The following B3GALT1 variants were observed in gnomAD, a reference collection of about 807,000 sequenced individuals.
The protein encoded by B3GALT1 is beta-1,3-galactosyltransferase 1.
A neutral mutation model predicts 23.2 loss-of-function variants in B3GALT1; 10 were observed. That is an observed-to-expected ratio of 0.43 (90% CI 0.27 to 0.73). The LOEUF (loss-of-function observed/expected upper bound fraction) is 0.73, where lower values mean the gene tolerates loss of function less well. Among genes scored for constraint, B3GALT1 ranks in the 30% least tolerant of loss-of-function variants. The pLI is 0.21. For synonymous variants in B3GALT1, 156 were observed against 141.5 expected, an observed-to-expected ratio of 1.10 and a Z score of -0.73; for missense variants, 299 against 405.4, an observed-to-expected ratio of 0.74 and a Z score of 2.25.
At chr2:167,324,497 G>T (rs1696861643) in intron 1 of B3GALT1, among the ~76,000 whole-genome samples, 1 of 152,028 alleles carries the variant, frequency 6.6e-6, no homozygotes, top group Admixed American at 6.6e-5. Flanking sequence ...TAACATTGCT[G>T]CCTGATGCTG....
chr2:167,446,674 T>C (rs1699000595), intron 1 of B3GALT1, among the ~76,000 whole-genome samples: 1 of 152,246 alleles, frequency 6.6e-6, no homozygotes, highest in Non-Finnish European at 1.5e-5. Flanking sequence ...AGCTTGTGCA[T>C]GCATCACGTA....
At chr2:167,636,472 A>T (rs1685558601) in intron 2 of B3GALT1, among the ~76,000 whole-genome samples, 1 of 152,112 alleles carries the variant, frequency 6.6e-6, no homozygotes, top group Non-Finnish European at 1.5e-5. Context: ...TGACCCAGCC[A>T]TCCCATTACT....
intron 2 of B3GALT1, among the ~76,000 whole-genome samples, chr2:167,631,813 A>G (rs1436949376): frequency 7.7e-6 from 1 of 130,344 alleles, no homozygotes; most frequent in Admixed American, 7.9e-5. Flanking sequence ...TTTATTATTA[A>G]TATACTTTAA....
chr2:167,812,971 A>G (rs1688919124), intron 3 of B3GALT1, among the ~76,000 whole-genome samples: 1 of 142,146 alleles, frequency 7.0e-6, no homozygotes, highest in Non-Finnish European at 1.5e-5. Flanking sequence ...ACACACACAC[A>G]CACACACGCA....
intron 1 of B3GALT1, among the ~76,000 whole-genome samples, chr2:167,472,138 G>T (rs982807669): frequency 6.6e-6 from 1 of 152,138 alleles, no homozygotes; most frequent in Non-Finnish European, 1.5e-5. Flanking sequence ...GGCTCTTCAG[G>T]AATCTGCACA....
At chr2:167,715,542 A>C (rs1687128565) in intron 3 of B3GALT1, 9 of 1,613,722 alleles carry the variant, frequency 5.6e-6, no homozygotes, top group Non-Finnish European at 7.6e-6. Flanking sequence ...TCTTCTAGAG[A>C]TTGTATCCTT....
At chr2:167,303,002 C>G (rs1696474794) in intron 1 of B3GALT1, among the ~76,000 whole-genome samples, 1 of 152,100 alleles carries the variant, frequency 6.6e-6, no homozygotes, top group African/African-American at 2.4e-5. Context: ...TTGAGCAGCA[C>G]TTTGGTATAT....
chr2:167,450,885 A>AT (rs1345052175), intron 1 of B3GALT1, among the ~76,000 whole-genome samples: 2 of 151,736 alleles, frequency 1.3e-5, no homozygotes, highest in African/African-American at 4.8e-5. Context: ...GGCTTTGTTC[A>AT]TTTTTTCTTA....
At chr2:167,787,265 A>G (rs904592546) in intron 3 of B3GALT1, among the ~76,000 whole-genome samples, 1 of 152,216 alleles carries the variant, frequency 6.6e-6, no homozygotes, top group Non-Finnish European at 1.5e-5. Flanking sequence ...TGGAGATAAG[A>G]GCACCTATCT....
At chr2:167,495,371 G>A (rs1433052324) in intron 2 of B3GALT1, among the ~76,000 whole-genome samples, 1 of 134,364 alleles carries the variant, frequency 7.4e-6, no homozygotes, top group African/African-American at 2.9e-5. Context: ...TTTGCTCTTG[G>A]TTTCCAGGCT....
chr2:167,659,250 T>G lies in B3GALT1; in HGVS notation c.-352+12284T>G, dbSNP rs531017379. Among the ~76,000 whole-genome samples, 17 of 148,196 alleles carry G rather than the reference T, an allele frequency of 1.1e-4. No homozygotes were observed. In the South Asian group the frequency reaches 3.2e-3, roughly 28 times the overall value. ...CTAGTTCCATGTGTTTTTTTTTTGG[T>G]GGTGGGGAGGGGTGTTGTAATTAAT... On this transcript the variant is annotated intron_variant, in intron 3 of 4. Transcript: ENST00000392690.
At chr2:167,295,933 C>G (rs1696343858) in intron 1 of B3GALT1, among the ~76,000 whole-genome samples, 1 of 152,102 alleles carries the variant, frequency 6.6e-6, no homozygotes, top group South Asian at 2.1e-4. Context: ...TATGTTTAAG[C>G]ATAAACAAAT....
intron 3 of B3GALT1, among the ~76,000 whole-genome samples, chr2:167,787,351 A>G (rs1688358654): frequency 1.3e-5 from 2 of 152,204 alleles, no homozygotes; most frequent in South Asian, 4.1e-4. Context: ...TCCTTAGATA[A>G]GTAATGCAGC....
intron 3 of B3GALT1, chr2:167,715,676 G>C: frequency 6.2e-7 from 1 of 1,613,420 alleles, no homozygotes; most frequent in Non-Finnish European, 8.5e-7. Context: ...CTTTTCACAG[G>C]TTGCCTCCAA....
chr2:167,559,757 A>C (rs1431798807), intron 2 of B3GALT1, among the ~76,000 whole-genome samples: 6 of 152,198 alleles, frequency 3.9e-5, no homozygotes, highest in Non-Finnish European at 5.9e-5. Flanking sequence ...TTGAGAGAAA[A>C]AAGAATAAAA....
intron 1 of B3GALT1, among the ~76,000 whole-genome samples, chr2:167,348,929 T>C (rs560019346): frequency 6.6e-6 from 1 of 152,326 alleles, no homozygotes; most frequent in South Asian, 2.1e-4. Context: ...GATCTGGGCT[T>C]GATTAATCTT....
chr2:167,572,021 T>C (rs1684302164), intron 2 of B3GALT1, among the ~76,000 whole-genome samples: 1 of 151,852 alleles, frequency 6.6e-6, no homozygotes, highest in South Asian at 2.1e-4. Flanking sequence ...AGAAAATGTC[T>C]CTTATATTGA....
intron 1 of B3GALT1, among the ~76,000 whole-genome samples, chr2:167,374,392 C>T (rs545426398): frequency 6.6e-6 from 1 of 152,316 alleles, no homozygotes; most frequent in South Asian, 2.1e-4. Context: ...AATGGGATTG[C>T]TGGGTTGAAT....
chr2:167,702,422 T>C (rs988378689), intron 3 of B3GALT1, among the ~76,000 whole-genome samples: 8 of 152,232 alleles, frequency 5.3e-5, no homozygotes, highest in African/African-American at 1.9e-4. Flanking sequence ...AATGTGCATA[T>C]ATGTTGAAGG....
Sources: allele counts gnomAD v4.1 joint callset (sites outside exome capture counted in the v4.1 genomes callset), GRCh38; gene constraint gnomAD v4.1.1; transcripts MANE v1.5; gene names NCBI Gene and HGNC (gene_info 2026-07-23, HGNC 2026-07-21).